EFR3B: variants seen among roughly 807,000 people sequenced by gnomAD.
EFR3B encodes the protein protein EFR3 homolog B.
EFR3B carries 64 observed loss-of-function variants against 104.7 expected under a neutral mutation model. The ratio of observed to expected loss-of-function variants is 0.61; its 90% CI spans 0.50 to 0.75. The LOEUF (loss-of-function observed/expected upper bound fraction) is 0.75. Ranked by LOEUF, EFR3B falls within the 30% of genes least tolerant of loss-of-function variation. The pLI is 0.00. For synonymous variants in EFR3B, 385 were observed against 417.9 expected, an observed-to-expected ratio of 0.92 and a Z score of 0.96; for missense variants, 750 against 1,078.5, an observed-to-expected ratio of 0.70 and a Z score of 4.27.
At chr2:25,135,694 T>C in intron 13 of EFR3B, 55 bp downstream of exon 13, 4 of 1,526,624 alleles carry the variant, frequency 2.6e-6, no homozygotes, top group Non-Finnish European at 3.5e-6. Flanking sequence ...GACTCTCCAT[T>C]AGGTCCTATC....
chr2:25,068,189 G>A (rs1668389311), intron 1 of EFR3B, among the ~76,000 whole-genome samples: 2 of 152,142 alleles, frequency 1.3e-5, no homozygotes, highest in Non-Finnish European at 2.9e-5. Context: ...GGGCTGATGT[G>A]TGTATGAGCC....
At chr2:25,108,859 G>T (rs1419349931) in intron 4 of EFR3B, among the ~76,000 whole-genome samples, 1 of 147,674 alleles carries the variant, frequency 6.8e-6, no homozygotes, top group African/African-American at 2.4e-5. Flanking sequence ...TTCAGCCGGG[G>T]TGTGGTGGTG....
intron 1 of EFR3B, among the ~76,000 whole-genome samples, chr2:25,063,821 A>G (rs1407552929): frequency 2.0e-5 from 3 of 152,172 alleles, no homozygotes; most frequent in East Asian, 3.9e-4. Context: ...CATTGGAGGA[A>G]GGGTTCTCCA....
chr2:25,135,710 G>T, intron 13 of EFR3B, 71 bp downstream of exon 13: 9 of 1,515,340 alleles, frequency 5.9e-6, no homozygotes, highest in Non-Finnish European at 8.0e-6. Flanking sequence ...CTATCCTTTG[G>T]TCCTGTCCTC....
chr2:25,045,065 G>A (rs1172893956), intron 1 of EFR3B, among the ~76,000 whole-genome samples: 3 of 152,154 alleles, frequency 2.0e-5, no homozygotes, highest in African/African-American at 7.2e-5. Context: ...TCTGTTGTGA[G>A]CATCACAAGA....
chr2:25,089,735 G>A (rs976942622), intron 1 of EFR3B, among the ~76,000 whole-genome samples: 2 of 152,158 alleles, frequency 1.3e-5, no homozygotes, highest in Non-Finnish European at 2.9e-5. Context: ...GGGAGAGGGT[G>A]AGGAGATGCC....
chr2:25,144,523 G>A (rs1464218512), intron 18 of EFR3B, among the ~76,000 whole-genome samples: 2 of 151,778 alleles, frequency 1.3e-5, no homozygotes, highest in South Asian at 2.1e-4. Context: ...CAGCCTGGGC[G>A]ACAGAGCAAG....
At position 25,042,291 on chromosome 2, in the gene EFR3B, G is replaced by A; in HGVS notation, c.-22G>A. On this transcript the variant is annotated 5_prime_UTR_variant, in exon 1 of 23. Transcript: ENST00000403714. The surrounding 1 kb of genome is among the most constrained non-coding windows in gnomAD (Gnocchi z 5.4). ...AACGCCGCAGCGACGCCGGCCTCTC[G>A]AGAGGCGCGCGCCCCGCCGAGATGT... 7.7e-7 allele frequency: 1 copy of A among 1,295,758 alleles called. No individual in the cohort carries two copies. Among genetic ancestry groups the A allele is most frequent in the East Asian group, 3.2e-5 (1 of 31,736 alleles). 80.3% of individuals were successfully genotyped at this position (1,295,758 alleles called of 1,614,324 possible).
intron 2 of EFR3B, 26 bp downstream of exon 2, chr2:25,091,427 G>GA: frequency 6.5e-7 from 1 of 1,541,260 alleles, no homozygotes; most frequent in Non-Finnish European, 8.8e-7. Context: ...GGCAGGCATC[G>GA]TGGCTCTCAT....
intron 3 of EFR3B, among the ~76,000 whole-genome samples, chr2:25,095,139 C>T (rs1669242867): frequency 6.6e-6 from 1 of 151,934 alleles, no homozygotes. Context: ...CAGAGATGTT[C>T]GTTATCTTGT....
Position 25,137,536 on chromosome 2 carries a change from G to A in EFR3B, c.1722+34G>A. The A allele has an allele frequency of 6.4e-7, 1 of 1,551,160 alleles. No homozygotes were observed. ...TGGTGTGCGCAGGGCATGGGGCTTG[G>A]GATCAGGGGAGGGACTTGTTTTGGG... On this transcript the variant is annotated intron_variant, in intron 15 of 22. Transcript: ENST00000403714. This position sits in a 1 kb window ranked among gnomAD's most constrained non-coding sequence, Gnocchi z 4.7.
chr2:25,059,736 G>A (rs182115645), intron 1 of EFR3B, among the ~76,000 whole-genome samples: 3 of 152,084 alleles, frequency 2.0e-5, no homozygotes, highest in East Asian at 1.9e-4. Context: ...AATGCCGGGC[G>A]TGGTGGCACA....
chr2:25,046,506 C>CTTTTTTTTTTTTTTTTTTTTTTTTT (rs531667109), intron 1 of EFR3B, among the ~76,000 whole-genome samples: 3 of 119,106 alleles, frequency 2.5e-5, no homozygotes, highest in Admixed American at 8.6e-5. Context: ...AGTACAAAGT[C>CTTTTTTTTTTTTTTTTTTTTTTTTT]TTTTTTTTTT....
chr2:25,139,429 T>C (rs888547764), intron 16 of EFR3B, among the ~76,000 whole-genome samples: 4 of 152,170 alleles, frequency 2.6e-5, no homozygotes, highest in African/African-American at 9.7e-5. Flanking sequence ...TTTCTAATAC[T>C]GTCTGCCCCC....
intron 4 of EFR3B, 136 bp downstream of exon 4, chr2:25,103,923 G>C (rs1669494906): frequency 1.0e-6 from 1 of 994,626 alleles, no homozygotes; most frequent in Non-Finnish European, 1.4e-6. Flanking sequence ...CACACTGCTT[G>C]TTTTAGGGTC....
chr2:25,116,900 T>A (rs1235830634), intron 4 of EFR3B, among the ~76,000 whole-genome samples: 3 of 152,180 alleles, frequency 2.0e-5, no homozygotes, highest in Admixed American at 1.3e-4. Flanking sequence ...CTCTCATTTT[T>A]AAAAATTTGA....
chr2:25,125,598 C>T (rs1034867083), intron 5 of EFR3B, among the ~76,000 whole-genome samples: 2 of 152,306 alleles, frequency 1.3e-5, no homozygotes, highest in East Asian at 3.9e-4. Flanking sequence ...GCTGCTGCCA[C>T]CTCCAGCCAC....
intron 1 of EFR3B, among the ~76,000 whole-genome samples, chr2:25,088,138 C>T (rs1469595787): frequency 6.6e-6 from 1 of 151,380 alleles, no homozygotes; most frequent in Non-Finnish European, 1.5e-5. Flanking sequence ...CGCATGGCAG[C>T]CACTCCACTA....
chr2:25,156,741 T>G lies in EFR3B; in HGVS notation c.*2401T>G, dbSNP rs947589937. On this transcript the variant is annotated 3_prime_UTR_variant, in exon 23 of 23. Coordinates refer to ENST00000403714, the MANE Select transcript of EFR3B (RefSeq NM_014971.2). ...AGCATGAACTTAGACTTCTCTTTAG[T>G]ATTTATATATTTAAAAACCAAGTTT... The G allele has an allele frequency of 6.6e-6, 1 of 152,196 alleles. No homozygotes were observed. The highest frequency in any genetic ancestry group is 1.5e-5 in the Non-Finnish European group (1 of 68,026). 9.4% of individuals were successfully genotyped at this position (152,196 alleles called of 1,614,324 possible).
Sources: gnomAD v4.1 joint callset for allele counts (sites outside exome capture counted in the v4.1 genomes callset) on GRCh38, gnomAD v4.1.1 for gene constraint, Gnocchi (gnomAD v3.1) non-coding constraint, MANE v1.5 for transcripts, NCBI Gene and HGNC (gene_info 2026-07-23, HGNC 2026-07-21) for gene names.